TRIM33: variants seen among roughly 807,000 people sequenced by gnomAD.
TRIM33 encodes the protein tripartite motif containing 33, also known as E3 ubiquitin-protein ligase TRIM33.
Under a neutral mutation model 125.4 loss-of-function variants are expected in TRIM33, and 20 were observed. The observed-to-expected ratio is 0.16, with a 90% CI of 0.11 to 0.23. The LOEUF (loss-of-function observed/expected upper bound fraction) is 0.23. Among genes scored for constraint, TRIM33 ranks in the 10% least tolerant of loss-of-function variants. The pLI is 1.00. For synonymous variants in TRIM33, 564 were observed against 513.9 expected, an observed-to-expected ratio of 1.10 and a Z score of -1.32; for missense variants, 920 against 1,411.4, an observed-to-expected ratio of 0.65 and a Z score of 5.58.
intron 5 of TRIM33, among the ~76,000 whole-genome samples, chr1:114,433,411 A>G (rs775034535): frequency 6.6e-5 from 10 of 152,208 alleles, no homozygotes; most frequent in Non-Finnish European, 1.3e-4. Flanking sequence ...ATTAAAATAG[A>G]CAAAGATGTG....
intron 4 of TRIM33, chr1:114,460,305 C>G (rs1402585663): frequency 6.1e-6 from 1 of 164,072 alleles, no homozygotes; most frequent in Admixed American, 6.2e-5. Context: ...CAAATCTCAC[C>G]AAGTAAGAAA....
At chr1:114,412,314 C>G (rs1266342611) in intron 11 of TRIM33, among the ~76,000 whole-genome samples, 1 of 152,188 alleles carries the variant, frequency 6.6e-6, no homozygotes, top group East Asian at 1.9e-4. Flanking sequence ...GTGTTTAAAA[C>G]TATACAGTCA....
In TRIM33 at chr1:114,494,302, T is replaced by A. The variant is rs558938702; in HGVS notation, c.526+16249A>T. On this transcript the variant is annotated intron_variant, in intron 1 of 19. Coordinates refer to ENST00000358465, the MANE Select transcript of TRIM33 (RefSeq NM_015906.4). The stretch of plus-strand genomic sequence containing the variant: ...AGATACCAATATTTCTGCCACTGAA[T>A]GGATCTGGCACCATTGTCCAGTATC... Among the ~76,000 whole-genome samples, 207 of 152,148 alleles carry A rather than the reference T, an allele frequency of 1.4e-3. 2 individuals are homozygous for A. Among genetic ancestry groups the A allele is most frequent in the Non-Finnish European group, 1.7e-3 (114 of 67,990 alleles).
At chr1:114,476,006 A>C (rs954031901) in intron 1 of TRIM33, among the ~76,000 whole-genome samples, 3 of 152,104 alleles carry the variant, frequency 2.0e-5, no homozygotes, top group Admixed American at 1.3e-4. Context: ...TCTCAAAATA[A>C]TAATACGGAA....
At chr1:114,447,857 T>G (rs1163366155) in intron 4 of TRIM33, among the ~76,000 whole-genome samples, 1 of 152,198 alleles carries the variant, frequency 6.6e-6, no homozygotes, top group African/African-American at 2.4e-5. Flanking sequence ...CACTTCTAAA[T>G]TTAGTCATGT....
intron 15 of TRIM33, 144 bp from the exon 16 acceptor site, chr1:114,403,027 G>A (rs1652005205): frequency 2.6e-6 from 2 of 761,998 alleles, no homozygotes; most frequent in African/African-American, 1.8e-5. Context: ...ATCTCGTCAG[G>A]TGAAGTCATG....
intron 8 of TRIM33, 111 bp from the exon 9 acceptor site, chr1:114,425,834 T>A: frequency 2.8e-6 from 2 of 720,932 alleles, no homozygotes; most frequent in Non-Finnish European, 2.3e-6. Context: ...ACCTCAAAGC[T>A]CCAACAGTAC....
At chr1:114,442,621 G>A (rs899904334) in intron 4 of TRIM33, among the ~76,000 whole-genome samples, 14 of 149,270 alleles carry the variant, frequency 9.4e-5, no homozygotes, top group Admixed American at 5.4e-4. Flanking sequence ...CCAGGAAGTG[G>A]AGGTTGCAGT....
At chr1:114,403,496 T>C (rs1226832259) in intron 15 of TRIM33, among the ~76,000 whole-genome samples, 10 of 151,916 alleles carry the variant, frequency 6.6e-5, no homozygotes, top group Non-Finnish European at 8.8e-5. Flanking sequence ...TCAGCCTCCC[T>C]AGGAGCTGGG....
chr1:114,458,122 T>C (rs1486653762), intron 4 of TRIM33, among the ~76,000 whole-genome samples: 5 of 152,196 alleles, frequency 3.3e-5, no homozygotes, highest in Non-Finnish European at 5.9e-5. Flanking sequence ...GCAAGCATAA[T>C]AGTTTCTTCC....
chr1:114,428,066 G>T (rs529390941), intron 6 of TRIM33, among the ~76,000 whole-genome samples, 172 bp from the exon 7 acceptor site: 2 of 152,154 alleles, frequency 1.3e-5, no homozygotes, highest in African/African-American at 4.8e-5. Flanking sequence ...TAACAAAAGT[G>T]GGACTAAAAG....
At chr1:114,428,569 C>T (rs1356328768) in intron 6 of TRIM33, among the ~76,000 whole-genome samples, 1 of 152,204 alleles carries the variant, frequency 6.6e-6, no homozygotes, top group African/African-American at 2.4e-5. Flanking sequence ...AACAACTCAT[C>T]TACTACTTTC....
chr1:114,430,759 G>A, intron 6 of TRIM33, 39 bp downstream of exon 6: 1 of 1,054,722 alleles, frequency 9.5e-7, no homozygotes, highest in Non-Finnish European at 1.5e-6. Context: ...TAAAGAGCAA[G>A]AGAAGCAGTT....
At chr1:114,461,192 C>A (rs574467849) in intron 4 of TRIM33, among the ~76,000 whole-genome samples, 1 of 139,766 alleles carries the variant, frequency 7.2e-6, no homozygotes, top group East Asian at 2.0e-4. Flanking sequence ...GCCTGGGTGA[C>A]AGAGCAAGAA....
intron 18 of TRIM33, 85 bp downstream of exon 18, chr1:114,399,372 T>C (rs1651738353): frequency 2.9e-6 from 4 of 1,402,264 alleles, no homozygotes; most frequent in African/African-American, 2.9e-5. Flanking sequence ...AAAATTTTAA[T>C]AAAATTAAAG....
intron 4 of TRIM33, among the ~76,000 whole-genome samples, chr1:114,446,867 G>C (rs1424437564): frequency 2.6e-5 from 4 of 152,098 alleles, no homozygotes; most frequent in African/African-American, 9.7e-5. Flanking sequence ...GACCAGCCCA[G>C]GCAACATGGC....
intron 11 of TRIM33, among the ~76,000 whole-genome samples, chr1:114,417,648 ATTAT>A (rs1007279523): frequency 2.6e-5 from 4 of 151,992 alleles, no homozygotes; most frequent in East Asian, 1.9e-4. Context: ...AACTTTTCTT[ATTAT>A]TTATTTATTT....
At chr1:114,490,844 T>TA (rs1024576865) in intron 1 of TRIM33, 2 of 152,028 alleles carry the variant, frequency 1.3e-5, no homozygotes, top group Admixed American at 6.6e-5. Context: ...AAAAAGTATT[T>TA]AAAAAAAGAA....
chr1:114,393,249 C>G lies in TRIM33; in HGVS notation c.*4399G>C, dbSNP rs1651373800. ...AAAATTAACAGGCTTTCAAATTGCA[C>G]AAATCTTTTTTTATAGGCTTATGTA... On this transcript the variant is annotated 3_prime_UTR_variant, in exon 20 of 20. Coordinates refer to ENST00000358465, the MANE Select transcript of TRIM33 (RefSeq NM_015906.4). 1 of 208,144 alleles carries G rather than the reference C, an allele frequency of 4.8e-6. No individual in the cohort carries two copies. The highest frequency in any genetic ancestry group is 2.3e-5 in the African/African-American group (1 of 43,894). 12.9% of individuals were successfully genotyped at this position (208,144 alleles called of 1,614,324 possible).
Sources: gnomAD v4.1 joint callset for allele counts (sites outside exome capture counted in the v4.1 genomes callset) on GRCh38, gnomAD v4.1.1 for gene constraint, MANE v1.5 for transcripts, NCBI Gene and HGNC (gene_info 2026-07-23, HGNC 2026-07-21) for gene names.